The following FAM185A variants were observed in gnomAD, a reference collection of about 807,000 sequenced individuals.
The protein encoded by FAM185A is family with sequence similarity 185 member A.
Under a neutral mutation model 45.7 loss-of-function variants are expected in FAM185A, and 21 were observed. The observed-to-expected ratio is 0.46, with a 90% CI of 0.33 to 0.66. The LOEUF is 0.66. Among genes scored for constraint, FAM185A ranks in the 30% least tolerant of loss-of-function variants. The pLI is 0.03. For synonymous variants in FAM185A, 117 were observed against 194.0 expected (o/e 0.60, Z 3.30); for missense variants, 305 against 485.4 (o/e 0.63, Z 3.49).
At chr7:102,766,953 C>T (rs1794445435) in intron 4 of FAM185A, among the ~76,000 whole-genome samples, 1 of 151,714 alleles carries the variant, frequency 6.6e-6, no homozygotes, top group South Asian at 2.1e-4. Context: ...TGCTACCACG[C>T]CTGGCTAATT....
At chr7:102,819,083 C>T in the FAM185A span, among the ~76,000 whole-genome samples, 5 of 152,176 alleles carry the variant, frequency 3.3e-5, no homozygotes, top group South Asian at 2.1e-4. Flanking sequence ...TTAGCCTTTT[C>T]GCTAACTATA....
At chr7:102,839,354 G>A in the FAM185A span, among the ~76,000 whole-genome samples, 14 of 152,314 alleles carry the variant, frequency 9.2e-5, no homozygotes, top group African/African-American at 3.1e-4. Flanking sequence ...CTCAGAGACC[G>A]GTGCTGGTGC....
At chr7:102,833,553 G>A in the FAM185A span, among the ~76,000 whole-genome samples, 1 of 148,616 alleles carries the variant, frequency 6.7e-6, no homozygotes, top group Non-Finnish European at 1.5e-5. Context: ...TGCCTCTTGT[G>A]CCTATTGGGA....
chr7:102,759,494 T>C (rs540155841), intron 3 of FAM185A, among the ~76,000 whole-genome samples: 2 of 150,652 alleles, frequency 1.3e-5, no homozygotes, highest in Admixed American at 1.3e-4. Context: ...TTGTAGTTTT[T>C]ATAAAACATA....
chr7:102,760,747 G>C (rs1794064299), intron 3 of FAM185A, among the ~76,000 whole-genome samples: 1 of 151,666 alleles, frequency 6.6e-6, no homozygotes, highest in South Asian at 2.1e-4. Flanking sequence ...GTTAAGGCAA[G>C]AAAAAGAAAG....
At chr7:102,779,017 A>C (rs1370397376) in intron 6 of FAM185A, among the ~76,000 whole-genome samples, 1 of 152,210 alleles carries the variant, frequency 6.6e-6, no homozygotes, top group East Asian at 1.9e-4. Flanking sequence ...TGACCTTCTT[A>C]ATTCATTCCA....
At chr7:102,814,150 A>G (rs1420761022), downstream of FAM185A, among the ~76,000 whole-genome samples, 1 of 152,220 alleles carries the variant, frequency 6.6e-6, no homozygotes, top group Admixed American at 6.5e-5. Flanking sequence ...AAGTAGGTCT[A>G]ACTTGAAAAC....
intron 2 of FAM185A, among the ~76,000 whole-genome samples, chr7:102,753,736 A>T (rs1793514723): frequency 7.2e-6 from 1 of 139,150 alleles, no homozygotes; most frequent in African/African-American, 2.7e-5. Flanking sequence ...AGGATGATGA[A>T]TTAGCAAAAA....
intron 7 of FAM185A, among the ~76,000 whole-genome samples, chr7:102,799,885 G>A (rs1796675286): frequency 1.3e-5 from 2 of 152,092 alleles, no homozygotes; most frequent in Admixed American, 6.5e-5. Context: ...TGACTCTGAC[G>A]GACAGAGCAG....
At chr7:102,820,449 T>C in the FAM185A span, among the ~76,000 whole-genome samples, 5 of 152,234 alleles carry the variant, frequency 3.3e-5, no homozygotes, top group Non-Finnish European at 7.3e-5. Flanking sequence ...CAAGTCTTAC[T>C]ATGCCTTGTT....
At chr7:102,833,818 C>G in the FAM185A span, among the ~76,000 whole-genome samples, 5 of 151,852 alleles carry the variant, frequency 3.3e-5, no homozygotes, top group African/African-American at 1.2e-4. Context: ...AGAAAAAGGC[C>G]TGGAAATCAT....
chr7:102,764,971 T>C (rs1185292540), intron 4 of FAM185A, among the ~76,000 whole-genome samples: 1 of 152,294 alleles, frequency 6.6e-6, no homozygotes, highest in Non-Finnish European at 1.5e-5. Flanking sequence ...AAAGCAAACA[T>C]GTATTGAGTA....
At chr7:102,764,991 G>A (rs1488800381) in intron 4 of FAM185A, among the ~76,000 whole-genome samples, 13 of 152,366 alleles carry the variant, frequency 8.5e-5, no homozygotes, top group South Asian at 2.1e-4. Context: ...ACCTAAATTG[G>A]CCAGCCCCTT....
intron 7 of FAM185A, among the ~76,000 whole-genome samples, chr7:102,789,545 A>C (rs1796025138): frequency 6.6e-6 from 1 of 152,134 alleles, no homozygotes; most frequent in Admixed American, 6.5e-5. Flanking sequence ...CCCCATTTCT[A>C]CTAAAATACA....
At chr7:102,776,735 G>A (rs1038607353) in intron 5 of FAM185A, among the ~76,000 whole-genome samples, 8 of 140,468 alleles carry the variant, frequency 5.7e-5, no homozygotes, top group Non-Finnish European at 1.1e-4. Flanking sequence ...AAAGAAATGC[G>A]ACAACTTTAT....
chr7:102,780,458 C>A (rs1415960670), intron 6 of FAM185A, among the ~76,000 whole-genome samples: 2 of 152,154 alleles, frequency 1.3e-5, no homozygotes, highest in African/African-American at 4.8e-5. Flanking sequence ...GAGTGTCTTA[C>A]CTTAGGTATC....
chr7:102,830,212 G>GCAAA, the FAM185A span, among the ~76,000 whole-genome samples: 1 of 152,052 alleles, frequency 6.6e-6, no homozygotes, highest in African/African-American at 2.4e-5. Context: ...AAAAACCAAA[G>GCAAA]CAAACAAACA....
At chr7:102,845,340 A>G in the FAM185A span, among the ~76,000 whole-genome samples, 1 of 152,190 alleles carries the variant, frequency 6.6e-6, no homozygotes, top group Non-Finnish European at 1.5e-5. Flanking sequence ...TATTAGAACA[A>G]AAGATACCTA....
chr7:102,772,768 T>A (rs1305015103), intron 5 of FAM185A, among the ~76,000 whole-genome samples: 1 of 151,628 alleles, frequency 6.6e-6, no homozygotes, highest in African/African-American at 2.4e-5. Context: ...ATATAAATAA[T>A]GTCACTGTTT....
Sources: allele counts gnomAD v4.1 joint callset (sites outside exome capture counted in the v4.1 genomes callset), GRCh38; gene constraint gnomAD v4.1.1; transcripts MANE v1.5; gene names NCBI Gene and HGNC (gene_info 2026-07-23, HGNC 2026-07-21).